ADAMTS2: variants seen among roughly 807,000 people sequenced by gnomAD.
ADAMTS2 encodes the protein ADAM metallopeptidase with thrombospondin type 1 motif 2, also known as A disintegrin and metalloproteinase with thrombospondin motifs 2.
Under a neutral mutation model 123.0 loss-of-function variants are expected in ADAMTS2, and 50 were observed. The ratio of observed to expected loss-of-function variants is 0.41; its 90% confidence interval spans 0.32 to 0.51. ADAMTS2 has a LOEUF of 0.51. Among genes scored for constraint, ADAMTS2 ranks in the 20% least tolerant of loss-of-function variants. The pLI is 0.35. For synonymous variants in ADAMTS2, 678 were observed against 695.4 expected, an observed-to-expected ratio of 0.98 and a Z score of 0.39; for missense variants, 1,494 against 1,705.2, an observed-to-expected ratio of 0.88 and a Z score of 2.18.
rs867745201 is a variant in ADAMTS2 at position 179,328,129 on chromosome 5, T to C, written c.534+15638A>G. Among the ~76,000 whole-genome samples, 74 of 152,266 alleles carry C rather than the reference T, an allele frequency of 4.9e-4. No individual in the cohort carries two copies. In the Middle Eastern group the frequency reaches 0.014, roughly 28 times the overall value. On this transcript the variant is annotated intron_variant, in intron 2 of 21. Coordinates refer to ENST00000251582, the MANE Select transcript of ADAMTS2 (RefSeq NM_014244.5). The stretch of plus-strand genomic sequence containing the variant: ...CTCACTGCAGGCTCCGCCTCCCGGG[T>C]TCACGCCATTCTCCTGCCTCAGCCT...
At chr5:179,173,527 G>C (rs1352600887) in intron 5 of ADAMTS2, among the ~76,000 whole-genome samples, 2 of 152,096 alleles carry the variant, frequency 1.3e-5, no homozygotes, top group Non-Finnish European at 2.9e-5. Flanking sequence ...CTACCACATA[G>C]GTTTATCATT....
At chr5:179,135,088 GC>G (rs1194860189) in intron 13 of ADAMTS2, among the ~76,000 whole-genome samples, 2 of 48,048 alleles carry the variant, frequency 4.2e-5, no homozygotes, top group African/African-American at 5.8e-5. Flanking sequence ...CCCGGCTCCA[GC>G]CCCCAGCTCC....
Position 179,180,613 on chromosome 5 carries a change from C to T in ADAMTS2, c.975+459G>A, listed in dbSNP as rs1581171612. ...CAGACTTCACACTCTGAGCCACTAT[C>T]CCCCTGCCCTCATTACCCAGAAAAC... On this transcript the variant is annotated intron_variant, in intron 5 of 21. Coordinates refer to ENST00000251582, the MANE Select transcript of ADAMTS2 (RefSeq NM_014244.5). This position sits in a 1 kb window ranked among gnomAD's most constrained non-coding sequence, Gnocchi z 4.6. 6.6e-6 allele frequency among the ~76,000 whole-genome samples: 1 copy of T among 152,194 alleles called. No homozygotes were observed. The highest frequency in any genetic ancestry group is 2.4e-5 in the African/African-American group (1 of 41,442).
At chr5:179,310,191 C>T (rs904161689) in intron 2 of ADAMTS2, among the ~76,000 whole-genome samples, 1 of 152,258 alleles carries the variant, frequency 6.6e-6, no homozygotes, top group Non-Finnish European at 1.5e-5. Flanking sequence ...CTGAGATGCT[C>T]TGCTGTCTGC....
chr5:179,154,875 T>C lies in ADAMTS2; in HGVS notation c.1177A>G (p.Thr393Ala). 1 of 1,613,718 alleles carries C rather than the reference T, an allele frequency of 6.2e-7. No homozygotes were observed. Among genetic ancestry groups the C allele is most frequent in the Non-Finnish European group, 8.5e-7 (1 of 1,179,956 alleles). The part of the protein sequence containing the change: ...TGMCHPVRSC[T>A]LNHEDGFSSA... ...GAGAAGCCGTCCTCATGGTTCAGGG[T>C]GCAGCTGCGGACCGGATGGCACATG... The change falls in exon 7 of 22, where the codon ACC becomes GCC. Residue 393 changes from threonine (T) to alanine (A), a missense_variant. Coordinates refer to ENST00000251582, the MANE Select transcript of ADAMTS2 (RefSeq NM_014244.5).
At chr5:179,294,974 G>A (rs1756289524) in intron 2 of ADAMTS2, among the ~76,000 whole-genome samples, 1 of 152,180 alleles carries the variant, frequency 6.6e-6, no homozygotes, top group South Asian at 2.1e-4. Context: ...CTCAACTACT[G>A]CCTCTAGGCG....
intron 4 of ADAMTS2, among the ~76,000 whole-genome samples, chr5:179,192,648 C>T (rs1406144296): frequency 6.6e-6 from 1 of 152,234 alleles, no homozygotes; most frequent in Admixed American, 6.5e-5. Flanking sequence ...GGCTCCCTGC[C>T]AGGCGCGGGT....
chr5:179,130,667 G>A lies in ADAMTS2; in HGVS notation c.2291-569C>T, dbSNP rs1156821819. Among the ~76,000 whole-genome samples the A allele has an allele frequency of 6.6e-6, 1 of 152,198 alleles. No individual in the cohort carries two copies. Among genetic ancestry groups the A allele is most frequent in the Non-Finnish European group, 1.5e-5 (1 of 68,040 alleles). On this transcript the variant is annotated intron_variant, in intron 15 of 21. Coordinates refer to ENST00000251582, the MANE Select transcript of ADAMTS2 (RefSeq NM_014244.5). The surrounding 1 kb of genome is among the most constrained non-coding windows in gnomAD (Gnocchi z 4.3). ...GACACTCAGGTCATCTAGGAGCAGA[G>A]GACCTGGCTAGCCAGGAAGCCCCAT...
At chr5:179,257,548 C>G (rs538548216) in intron 3 of ADAMTS2, among the ~76,000 whole-genome samples, 1 of 152,320 alleles carries the variant, frequency 6.6e-6, no homozygotes, top group East Asian at 1.9e-4. Flanking sequence ...TGGGCTGGGG[C>G]CCTGCGCCCT....
At chr5:179,157,241 C>T (rs1763490926) in intron 6 of ADAMTS2, among the ~76,000 whole-genome samples, 4 of 152,190 alleles carry the variant, frequency 2.6e-5, no homozygotes, top group Admixed American at 1.3e-4. Flanking sequence ...TGAGCCACCA[C>T]ACCCAGCCAA....
chr5:179,176,839 G>C (rs973746115), intron 5 of ADAMTS2, among the ~76,000 whole-genome samples: 1 of 152,172 alleles, frequency 6.6e-6, no homozygotes, highest in East Asian at 1.9e-4. Flanking sequence ...TTGGCATTGG[G>C]TCTGCTGTTC....
chr5:179,296,271 G>C (rs921318868), intron 2 of ADAMTS2, among the ~76,000 whole-genome samples: 3 of 152,070 alleles, frequency 2.0e-5, no homozygotes, highest in African/African-American at 7.3e-5. Context: ...GACAATGATG[G>C]GACCCGGGAG....
chr5:179,135,339 C>A (rs1000217830), intron 13 of ADAMTS2, among the ~76,000 whole-genome samples: 1 of 152,196 alleles, frequency 6.6e-6, no homozygotes, highest in Non-Finnish European at 1.5e-5. Flanking sequence ...CGGTTGTTTT[C>A]GGGGGAGCCT....
At chr5:179,250,215 G>A (rs376926141) in intron 3 of ADAMTS2, among the ~76,000 whole-genome samples, 14 of 152,160 alleles carry the variant, frequency 9.2e-5, no homozygotes, top group African/African-American at 3.1e-4. Flanking sequence ...GGGTATTTAC[G>A]AAAAGCCAAA....
Position 179,345,213 on chromosome 5 carries a change from AGCCTGGC to A in ADAMTS2, c.109_115del (p.Ala37SerfsTer126). 8.9e-7 allele frequency: 1 copy of A among 1,117,924 alleles called. No individual in the cohort carries two copies. The highest frequency in any genetic ancestry group is 1.1e-6 in the Non-Finnish European group (1 of 919,306). The allele number at this position is 1,117,924 out of a possible 1,614,324, so 69.3% of individuals were successfully genotyped here. On this transcript the variant is annotated frameshift_variant, in exon 1 of 22. Transcript: ENST00000251582. LOFTEE classifies it high-confidence loss of function. The surrounding 1 kb of genome is among the most constrained non-coding windows in gnomAD (Gnocchi z 7.5). ...ACCTGGGGGGTCGGCGGCGGCGGCG[AGCCTGGC>A]GTTCGCGGGCGGCGGCGGCGGCGGC...
In ADAMTS2 at chr5:179,117,638, C is replaced by T. The variant is rs568659628; in HGVS notation, c.3179-3314G>A. On this transcript the variant is annotated intron_variant, in intron 21 of 21. Coordinates refer to ENST00000251582, the MANE Select transcript of ADAMTS2 (RefSeq NM_014244.5). The surrounding 1 kb of genome is among the most constrained non-coding windows in gnomAD (Gnocchi z 4.2). ...CGTGATCTTGGCTCACTGCAACCTCCGCCTCCTGGGTTCAAGAGCCTCCCG... is the reference window on the plus strand; with the variant it reads ...CGTGATCTTGGCTCACTGCAACCTCTGCCTCCTGGGTTCAAGAGCCTCCCG... Among the ~76,000 whole-genome samples the T allele has an allele frequency of 8.6e-5, 13 of 152,004 alleles. No individual in the cohort carries two copies. In the South Asian group the frequency reaches 2.5e-3, roughly 29 times the overall value.
rs542411305 is a variant in ADAMTS2, at chr5:179,286,333, C to T, written c.535-13269G>A. Reference sequence around the variant, plus strand: ...CAGCTGTTCCCTGCCAGCCTCCCTGCCTCCTTGGAGGTCTGCACACACCGC... The same window carrying T: ...CAGCTGTTCCCTGCCAGCCTCCCTGTCTCCTTGGAGGTCTGCACACACCGC... On this transcript the variant is annotated intron_variant, in intron 2 of 21. Coordinates refer to ENST00000251582, the MANE Select transcript of ADAMTS2 (RefSeq NM_014244.5). Among the ~76,000 whole-genome samples the T allele has an allele frequency of 9.2e-5, 14 of 152,184 alleles. No homozygotes were observed. The East Asian group carries it at 2.3e-3, about 25-fold the overall frequency.
Position 179,304,639 on chromosome 5 carries a change from T to C in ADAMTS2, c.535-31575A>G, listed in dbSNP as rs115785541. ...GTCAGTGAACTTGAGGATAGAGCAA[T>C]AGAAGTTACCCAATTCAAACTGCAG... is the stretch of plus-strand genomic sequence containing the variant. On this transcript the variant is annotated intron_variant, in intron 2 of 21. Coordinates refer to ENST00000251582, the MANE Select transcript of ADAMTS2 (RefSeq NM_014244.5). 5.3e-3 allele frequency among the ~76,000 whole-genome samples: 814 copies of C among 152,228 alleles called. 6 individuals are homozygous for C. Among genetic ancestry groups the C allele is most frequent in the African/African-American group, 0.019 (791 of 41,528 alleles).
At chr5:179,333,962 C>T (rs1757544369) in intron 2 of ADAMTS2, among the ~76,000 whole-genome samples, 1 of 152,104 alleles carries the variant, frequency 6.6e-6, no homozygotes, top group African/African-American at 2.4e-5. Context: ...CATGGGATAA[C>T]AGATAACAGT....
Sources: allele counts gnomAD v4.1 joint callset (sites outside exome capture counted in the v4.1 genomes callset), GRCh38; gene constraint gnomAD v4.1.1; non-coding constraint Gnocchi (gnomAD v3.1); transcripts MANE v1.5; gene names NCBI Gene and HGNC (gene_info 2026-07-23, HGNC 2026-07-21).